Variants in FLRT2 observed in about 807,000 individuals in gnomAD.
FLRT2 encodes fibronectin leucine rich transmembrane protein 2.
In FLRT2, 15 loss-of-function variants were observed where a neutral mutation model predicts 40.0. The observed-to-expected ratio is 0.38, with a 90% CI of 0.25 to 0.58. The LOEUF is 0.58. Among genes scored for constraint, FLRT2 ranks in the 20% least tolerant of loss-of-function variants. FLRT2 has a pLI of 0.71. For missense variants in FLRT2, 726 were observed against 840.0 expected, an observed-to-expected ratio of 0.86 and a Z score of 1.68; for synonymous variants, 380 against 336.8, an observed-to-expected ratio of 1.13 and a Z score of -1.41.
rs1439860976 is a variant in FLRT2, at chr14:85,649,496, TTTG to T, written c.*26002_*26004del. ...TTGTCAGATGAACTCCTTAACCACA[TTTG>T]TTATCAGTAGCACACAATATATTGG... On this transcript the variant is annotated 3_prime_UTR_variant, in exon 2 of 2. Coordinates refer to ENST00000330753, the MANE Select transcript of FLRT2 (RefSeq NM_013231.6). 1.1e-4 allele frequency: 16 copies of T among 152,110 alleles called. No individual in the cohort carries two copies. Among genetic ancestry groups the T allele is most frequent in the Admixed American group, 6.6e-5 (1 of 15,254 alleles). The allele number at this position is 152,110 out of a possible 1,614,324, so 9.4% of individuals were successfully genotyped here. A position where few individuals can be genotyped will look rare whatever the true frequency, so the allele number is the denominator to read the frequency against.
At chr14:85,587,939 GTT>G (rs72102578) in intron 1 of FLRT2, among the ~76,000 whole-genome samples, 28,633 of 148,318 alleles carry the variant, frequency 0.19, 3,278 homozygotes, top group African/African-American at 0.33. Context: ...TTTTTTGTTT[GTT>G]TTTTTTTTGA....
chr14:85,624,581 G>A lies in FLRT2; in HGVS notation c.*1084G>A, dbSNP rs1893587222. ...TCTGTTATGTCAGCTGACTTTGTTA[G>A]TATCATGTTGAAATAGCTTGAAGTA... On this transcript the variant is annotated 3_prime_UTR_variant, in exon 2 of 2. Coordinates refer to ENST00000330753, the MANE Select transcript of FLRT2 (RefSeq NM_013231.6). 6.0e-6 allele frequency: 1 copy of A among 166,950 alleles called. No homozygotes were observed. Among genetic ancestry groups the A allele is most frequent in the Non-Finnish European group, 1.5e-5 (1 of 68,100 alleles). 10.3% of individuals were successfully genotyped at this position (166,950 alleles called of 1,614,324 possible).
In FLRT2 at chr14:85,651,151, G is replaced by T. The variant is rs1188736179; in HGVS notation, c.*27654G>T. ...AATTATCTTTTTTGATTAATCAATT[G>T]TTTAGGATAATGTCTCAAAACTTTT... is the stretch of plus-strand genomic sequence containing the variant. On this transcript the variant is annotated 3_prime_UTR_variant, in exon 2 of 2. Coordinates refer to ENST00000330753, the MANE Select transcript of FLRT2 (RefSeq NM_013231.6). The T allele has an allele frequency of 1.3e-5, 2 of 151,750 alleles. No individual in the cohort carries two copies. The highest frequency in any genetic ancestry group is 2.9e-5 in the Non-Finnish European group (2 of 67,946). 9.4% of individuals were successfully genotyped at this position (151,750 alleles called of 1,614,324 possible).
intron 1 of FLRT2, among the ~76,000 whole-genome samples, chr14:85,610,273 G>C (rs536276632): frequency 3.0e-4 from 45 of 152,150 alleles, no homozygotes; most frequent in African/African-American, 1.1e-3. Flanking sequence ...TCTCTGAAAT[G>C]GGACATTTGA....
rs1464176565 is a variant in FLRT2 at position 85,635,216 on chromosome 14, T to A, written c.*11719T>A. 6.6e-6 allele frequency: 1 copy of A among 152,188 alleles called. No individual in the cohort carries two copies. Among genetic ancestry groups the A allele is most frequent in the African/African-American group, 2.4e-5 (1 of 41,464 alleles). The allele number at this position is 152,188 out of a possible 1,614,324, so 9.4% of individuals were successfully genotyped here. A position where few individuals can be genotyped will look rare whatever the true frequency, so the allele number is the denominator to read the frequency against. On this transcript the variant is annotated 3_prime_UTR_variant, in exon 2 of 2. Transcript: ENST00000330753. ...TCTGTGTGATATTATTTAATGTCCC[T>A]AAGCCTCAGTTTCCTCATATATGAA...
At chr14:85,595,591 T>C (rs1366702430) in intron 1 of FLRT2, among the ~76,000 whole-genome samples, 1 of 152,138 alleles carries the variant, frequency 6.6e-6, no homozygotes, top group Non-Finnish European at 1.5e-5. Flanking sequence ...ATGGATTCCT[T>C]TCAAAAATGT....
At chr14:85,540,792 A>G (rs532111200) in intron 1 of FLRT2, among the ~76,000 whole-genome samples, 2 of 152,272 alleles carry the variant, frequency 1.3e-5, no homozygotes, top group East Asian at 3.9e-4. Flanking sequence ...CTGTATTTTA[A>G]CATGGAAAAT....
At chr14:85,599,102 A>C (rs571430901) in intron 1 of FLRT2, among the ~76,000 whole-genome samples, 111 of 151,630 alleles carry the variant, frequency 7.3e-4, no homozygotes, top group African/African-American at 2.6e-3. Context: ...TTGTATTTTT[A>C]GTAGAGACAG....
chr14:85,652,484 A>AT lies in FLRT2; in HGVS notation c.*28994dup, dbSNP rs1261846735. ...GCCATAGGAAAATTCTTTTTTGAGA[A>AT]TTTTTTTCTTATAACGTTCTTCATC... is the stretch of plus-strand genomic sequence containing the variant. On this transcript the variant is annotated 3_prime_UTR_variant, in exon 2 of 2. Coordinates refer to ENST00000330753, the MANE Select transcript of FLRT2 (RefSeq NM_013231.6). 6.6e-6 allele frequency: 1 copy of AT among 151,968 alleles called. No individual in the cohort carries two copies. The highest frequency in any genetic ancestry group is 6.6e-5 in the Admixed American group (1 of 15,240). The allele number at this position is 151,968 out of a possible 1,614,324, so 9.4% of individuals were successfully genotyped here.
At chr14:85,597,517 T>A (rs1189271099) in intron 1 of FLRT2, among the ~76,000 whole-genome samples, 2 of 152,204 alleles carry the variant, frequency 1.3e-5, no homozygotes, top group African/African-American at 2.4e-5. Context: ...TTTTCTTGAT[T>A]AGAAGCTTGA....
At chr14:85,601,198 C>G (rs1434769575) in intron 1 of FLRT2, among the ~76,000 whole-genome samples, 1 of 152,120 alleles carries the variant, frequency 6.6e-6, no homozygotes, top group African/African-American at 2.4e-5. Context: ...AAGGGAGATG[C>G]AGCATGGAAG....
At chr14:85,586,127 A>G in intron 1 of FLRT2, among the ~76,000 whole-genome samples, 3 of 148,376 alleles carry the variant, frequency 2.0e-5, no homozygotes, top group Middle Eastern at 7.1e-3. Context: ...GTGTTTATAT[A>G]ATATATATAA....
In FLRT2 at chr14:85,634,152, G is replaced by C. The variant is rs1252708394; in HGVS notation, c.*10655G>C. On this transcript the variant is annotated 3_prime_UTR_variant, in exon 2 of 2. Coordinates refer to ENST00000330753, the MANE Select transcript of FLRT2 (RefSeq NM_013231.6). Reference sequence around the variant, plus strand: ...AGTCTCAAAGCAATTCACTCACTACGGTCTGTATTAGCATTATTTTCCTTT... The same window carrying C: ...AGTCTCAAAGCAATTCACTCACTACCGTCTGTATTAGCATTATTTTCCTTT... 2 of 152,110 alleles carry C rather than the reference G, an allele frequency of 1.3e-5. No homozygotes were observed. The highest frequency in any genetic ancestry group is 2.9e-5 in the Non-Finnish European group (2 of 68,028). 9.4% of individuals were successfully genotyped at this position (152,110 alleles called of 1,614,324 possible).
rs866049258 is a variant in FLRT2 at position 85,615,853 on chromosome 14, G to A, written c.-376-5286G>A. 1.3e-4 allele frequency among the ~76,000 whole-genome samples: 19 copies of A among 151,718 alleles called. 1 individual carries two copies. The South Asian group carries it at 2.3e-3, about 18-fold the overall frequency. On this transcript the variant is annotated intron_variant, in intron 1 of 1. Transcript: ENST00000330753. The stretch of plus-strand genomic sequence containing the variant: ...TCCTTGTCATTCTATTACGCGATTG[G>A]CAATGCTTATTGACAATTCTTATTT...
In FLRT2 at chr14:85,640,800, C is replaced by T. The variant is rs1361603748; in HGVS notation, c.*17303C>T. Reference sequence around the variant, plus strand: ...ATCATTAGAAACTGCCTCCTATTCACTCTCTTAATAGCTTGAGAGAATTGT... The same window carrying T: ...ATCATTAGAAACTGCCTCCTATTCATTCTCTTAATAGCTTGAGAGAATTGT... On this transcript the variant is annotated 3_prime_UTR_variant, in exon 2 of 2. Coordinates refer to ENST00000330753, the MANE Select transcript of FLRT2 (RefSeq NM_013231.6). 1.7e-3 allele frequency: 1 copy of T among 600 alleles called. No individual in the cohort carries two copies. The highest frequency in any genetic ancestry group is 0.038 in the Non-Finnish European group (1 of 26). The allele number at this position is 600 out of a possible 1,614,324, so 0.0% of individuals were successfully genotyped here. A position where few individuals can be genotyped will look rare whatever the true frequency, so the allele number is the denominator to read the frequency against.
chr14:85,610,766 G>T (rs980417972), intron 1 of FLRT2, among the ~76,000 whole-genome samples: 1 of 152,154 alleles, frequency 6.6e-6, no homozygotes, highest in African/African-American at 2.4e-5. Flanking sequence ...CATTTTCTAA[G>T]TTGCCATCTG....
intron 1 of FLRT2, among the ~76,000 whole-genome samples, chr14:85,543,015 G>A (rs968536163): frequency 2.6e-5 from 4 of 152,208 alleles, no homozygotes; most frequent in Non-Finnish European, 5.9e-5. Context: ...TAGAAATACA[G>A]ATTCCTGGGC....
chr14:85,591,375 T>C (rs1891878425), intron 1 of FLRT2, among the ~76,000 whole-genome samples: 1 of 152,182 alleles, frequency 6.6e-6, no homozygotes, highest in Admixed American at 6.6e-5. Context: ...GTAGAAAAAC[T>C]GAATGAAAGC....
At position 85,623,109 on chromosome 14, in the gene FLRT2, C is replaced by T. The variant is rs1316261526; in HGVS notation, c.1595C>T (p.Thr532Met). 18 of 1,611,884 alleles carry T rather than the reference C, an allele frequency of 1.1e-5. No individual in the cohort carries two copies. Among genetic ancestry groups the T allele is most frequent in the East Asian group, 2.2e-5 (1 of 44,826 alleles). Reference protein sequence around the residue: ...GSNTASSHEQTTSHSMGSPFL... With the variant: ...GSNTASSHEQMTSHSMGSPFL... ...AACACAGCGTCCAGCCATGAGCAGA[C>T]GACGTCCCACAGCATGGGCTCCCCC... The change falls in exon 2 of 2, where the codon ACG (threonine) becomes ATG (methionine). Residue 532 changes from threonine (T) to methionine (M), a missense_variant. Physicochemically the swap from Thr to Met is moderately conservative, Grantham distance 81. Transcript: ENST00000330753.
Sources: gnomAD v4.1 joint callset for allele counts (sites outside exome capture counted in the v4.1 genomes callset) on GRCh38, gnomAD v4.1.1 for gene constraint, MANE v1.5 for transcripts, NCBI Gene and HGNC (gene_info 2026-07-23, HGNC 2026-07-21) for gene names.